Variants in TTC6 observed in about 807,000 individuals in gnomAD.
TTC6 encodes the protein tetratricopeptide repeat protein 6.
Under a neutral mutation model 210.4 loss-of-function variants are expected in TTC6, and 172 were observed. The ratio of observed to expected loss-of-function variants is 0.82; its 90% CI spans 0.72 to 0.93. The LOEUF (loss-of-function observed/expected upper bound fraction) is 0.93, where lower values mean the gene tolerates loss of function less well. Among genes scored for constraint, TTC6 ranks in the 40% least tolerant of loss-of-function variants. The pLI, the probability that TTC6 is intolerant of heterozygous loss-of-function variation, is 0.00. For missense variants in TTC6, 2,414 were observed against 2,318.1 expected, an observed-to-expected ratio of 1.04 and a Z score of -0.85; for synonymous variants, 804 against 819.6, an observed-to-expected ratio of 0.98 and a Z score of 0.32.
intron 1 of TTC6, among the ~76,000 whole-genome samples, chr14:37,673,984 T>G (rs2095763640): frequency 6.6e-6 from 1 of 152,208 alleles, no homozygotes; most frequent in African/African-American, 2.4e-5. Flanking sequence ...AGTTACAGTT[T>G]ATAACTCAGG....
intron 1 of TTC6, among the ~76,000 whole-genome samples, chr14:37,650,741 A>C (rs2095709769): frequency 6.6e-6 from 1 of 152,212 alleles, no homozygotes; most frequent in East Asian, 1.9e-4. Context: ...ACTCAGAGAT[A>C]CTGTAAAAAT....
rs1411953873 is a variant in TTC6 at position 37,768,232 on chromosome 14, A to T, written c.3266+14997A>T. The stretch of plus-strand genomic sequence containing the variant: ...TGTAGTATAGTTTGAAGTCAGGTAG[A>T]GTGATGCCTCCAGCTTTGTTCTTTT... On this transcript the variant is annotated intron_variant, in intron 14 of 30. Transcript: ENST00000553443. Among the ~76,000 whole-genome samples the T allele has an allele frequency of 2.3e-4, 34 of 150,116 alleles. 1 individual carries two copies. Among genetic ancestry groups the T allele is most frequent in the African/African-American group, 8.3e-4 (34 of 40,852 alleles).
At chr14:37,720,974 C>T (rs948775048) in intron 6 of TTC6, among the ~76,000 whole-genome samples, 2 of 151,166 alleles carry the variant, frequency 1.3e-5, no homozygotes, top group African/African-American at 4.9e-5. Flanking sequence ...TTGGGCTAAA[C>T]TGGATAAAGG....
chr14:37,757,423 G>A, intron 14 of TTC6, among the ~76,000 whole-genome samples: 1 of 151,802 alleles, frequency 6.6e-6, no homozygotes, highest in Non-Finnish European at 1.5e-5. Context: ...ACCATGCCCG[G>A]CTAATTTTTT....
intron 14 of TTC6, among the ~76,000 whole-genome samples, chr14:37,783,762 G>A (rs1468358760): frequency 2.6e-5 from 4 of 151,456 alleles, no homozygotes; most frequent in Non-Finnish European, 5.9e-5. Flanking sequence ...TCTCTTATGG[G>A]CATTTAGTGC....
intron 1 of TTC6, among the ~76,000 whole-genome samples, chr14:37,678,375 T>A (rs911771882): frequency 6.6e-6 from 1 of 152,176 alleles, no homozygotes; most frequent in Non-Finnish European, 1.5e-5. Context: ...CTTACAGCTC[T>A]TTAGTAATTG....
chr14:37,815,287 C>A (rs2096138853), intron 25 of TTC6, among the ~76,000 whole-genome samples: 2 of 152,162 alleles, frequency 1.3e-5, no homozygotes, highest in Non-Finnish European at 1.5e-5. Flanking sequence ...TGGTCCCCAG[C>A]CTTTTTGGTA....
chr14:37,724,515 T>A (rs2095867843), intron 6 of TTC6, among the ~76,000 whole-genome samples: 1 of 152,166 alleles, frequency 6.6e-6, no homozygotes, highest in South Asian at 2.1e-4. Flanking sequence ...GACATTTAGA[T>A]TTGGTTTAAT....
At chr14:37,766,871 T>A (rs183895658) in intron 14 of TTC6, among the ~76,000 whole-genome samples, 114 of 152,292 alleles carry the variant, frequency 7.5e-4, no homozygotes, top group Admixed American at 3.5e-3. Flanking sequence ...TACGTATGTA[T>A]ACATGTGCCA....
exon 14 of TTC6, chr14:37,753,174 T>C: frequency 6.5e-7 from 1 of 1,535,600 alleles, no homozygotes; most frequent in Non-Finnish European, 8.7e-7. Flanking sequence ...TGAAAACTGG[T>C]TTGCAGCCAT....
rs11845497 is a variant in TTC6, at chr14:37,797,156, G to A, written c.4029+209G>A. 5.1e-3 allele frequency among the ~76,000 whole-genome samples: 783 copies of A among 152,138 alleles called. 3 individuals are homozygous for A. Among genetic ancestry groups the A allele is most frequent in the African/African-American group, 0.018 (746 of 41,536 alleles). On this transcript the variant is annotated intron_variant, in intron 20 of 30. Coordinates refer to ENST00000553443, the Ensembl canonical transcript of TTC6. ...TCTTTTTCATGTATTCAGTCAGCAT[G>A]TGGAGTAGTTTTCCAGGTTATATTT...
At chr14:37,802,669 AG>A (rs1284265279) in intron 20 of TTC6, among the ~76,000 whole-genome samples, 1 of 152,126 alleles carries the variant, frequency 6.6e-6, no homozygotes, top group African/African-American at 2.4e-5. Context: ...CTGTAGCGAT[AG>A]AAAAACGAAT....
chr14:37,651,983 A>G lies in TTC6; in HGVS notation c.940-28168A>G, dbSNP rs537911067. ...TTGAAGCAGGTCAGTGATGTGATACAACTAAAGTCTTCAACAGATCATTCT... is the reference window on the plus strand; with the variant it reads ...TTGAAGCAGGTCAGTGATGTGATACGACTAAAGTCTTCAACAGATCATTCT... On this transcript the variant is annotated intron_variant, in intron 1 of 30. Transcript: ENST00000553443. Among the ~76,000 whole-genome samples the G allele has an allele frequency of 5.9e-5, 9 of 152,290 alleles. No individual in the cohort carries two copies. In the East Asian group the frequency reaches 1.7e-3, roughly 29 times the overall value.
At chr14:37,660,004 C>T (rs2095733856) in intron 1 of TTC6, among the ~76,000 whole-genome samples, 1 of 151,982 alleles carries the variant, frequency 6.6e-6, no homozygotes, top group South Asian at 2.1e-4. Context: ...CATATTAGAC[C>T]TTTGCCAGAT....
At chr14:37,758,335 A>G (rs2095974042) in intron 14 of TTC6, among the ~76,000 whole-genome samples, 1 of 152,206 alleles carries the variant, frequency 6.6e-6, no homozygotes, top group Non-Finnish European at 1.5e-5. Flanking sequence ...GTAGGTCTCT[A>G]AGAACTTGCT....
chr14:37,790,783 T>A, exon 16 of TTC6: 1 of 1,534,910 alleles, frequency 6.5e-7, no homozygotes, highest in East Asian at 2.5e-5. Context: ...TATGCACATC[T>A]AAAACTTTGG....
intron 29 of TTC6, among the ~76,000 whole-genome samples, chr14:37,831,052 C>CA (rs2096183740): frequency 6.6e-6 from 1 of 151,990 alleles, no homozygotes; most frequent in South Asian, 2.1e-4. Context: ...TTTTTGTTCC[C>CA]ATTAGCCAAC....
intron 1 of TTC6, among the ~76,000 whole-genome samples, chr14:37,654,691 A>G (rs968587329): frequency 2.6e-5 from 4 of 152,166 alleles, no homozygotes; most frequent in Non-Finnish European, 5.9e-5. Context: ...TTAAGAAAAT[A>G]GAAGAACTGA....
chr14:37,732,173 CTTTTTTTTT>C (rs61444309), intron 7 of TTC6, among the ~76,000 whole-genome samples: 4 of 57,588 alleles, frequency 6.9e-5, no homozygotes, highest in Admixed American at 3.0e-4. Context: ...GTACTGTATT[CTTTTTTTTT>C]TTTTTTTTTT....
Sources: allele counts gnomAD v4.1 joint callset (sites outside exome capture counted in the v4.1 genomes callset), GRCh38; gene constraint gnomAD v4.1.1; transcripts MANE v1.5; gene names NCBI Gene and HGNC (gene_info 2026-07-23, HGNC 2026-07-21).